DSCAM: variants seen among roughly 807,000 people sequenced by gnomAD.
DSCAM encodes cell adhesion molecule DSCAM.
In DSCAM, 47 loss-of-function variants were observed where a neutral mutation model predicts 217.7. The observed-to-expected ratio is 0.22, with a 90% confidence interval of 0.17 to 0.28. The LOEUF is 0.28. Among genes scored for constraint, DSCAM ranks in the 10% least tolerant of loss-of-function variants. The pLI is 1.00. For synonymous variants in DSCAM, 1,056 were observed against 1,015.3 expected (o/e 1.04, Z -0.76); for missense variants, 2,080 against 2,618.3 (o/e 0.79, Z 4.49).
At chr21:40,087,827 C>A (rs958332795) in intron 21 of DSCAM, among the ~76,000 whole-genome samples, 3 of 152,132 alleles carry the variant, frequency 2.0e-5, no homozygotes, top group Non-Finnish European at 4.4e-5. Flanking sequence ...TGAAGAACAA[C>A]CATTTGCTTG....
chr21:40,706,893 T>C (rs373618962), intron 2 of DSCAM, among the ~76,000 whole-genome samples: 236 of 152,326 alleles, frequency 1.5e-3, no homozygotes, highest in African/African-American at 5.5e-3. Flanking sequence ...TAGTCATCCA[T>C]ATGCTGGATT....
chr21:40,574,021 G>GA (rs1383918287), intron 3 of DSCAM, among the ~76,000 whole-genome samples: 2 of 151,622 alleles, frequency 1.3e-5, no homozygotes, highest in Admixed American at 6.6e-5. Context: ...AAACATAAAA[G>GA]AAAAAACTCC....
intron 3 of DSCAM, among the ~76,000 whole-genome samples, chr21:40,610,174 C>T (rs1358881616): frequency 1.3e-5 from 2 of 152,266 alleles, no homozygotes; most frequent in East Asian, 1.9e-4. Flanking sequence ...GAAAGCCCAG[C>T]GAGACAATAT....
chr21:40,358,999 T>C (rs2074727921), intron 4 of DSCAM, among the ~76,000 whole-genome samples: 1 of 152,062 alleles, frequency 6.6e-6, no homozygotes, highest in Non-Finnish European at 1.5e-5. Flanking sequence ...CCAAAGAAGA[T>C]ACACAAATAC....
chr21:40,143,518 G>A (rs1370416146), intron 17 of DSCAM, among the ~76,000 whole-genome samples: 1 of 152,224 alleles, frequency 6.6e-6, no homozygotes. Context: ...AGGGCCGGGC[G>A]CGGTGGCTCA....
At chr21:40,031,628 C>A (rs187938198) in intron 32 of DSCAM, among the ~76,000 whole-genome samples, 135 of 150,420 alleles carry the variant, frequency 9.0e-4, no homozygotes, top group African/African-American at 3.2e-3. Context: ...CAGTCACCAC[C>A]TACACACACA....
At chr21:40,125,059 C>A (rs946582161) in intron 19 of DSCAM, among the ~76,000 whole-genome samples, 2 of 152,092 alleles carry the variant, frequency 1.3e-5, no homozygotes, top group South Asian at 4.1e-4. Context: ...GAGACCCCAC[C>A]CTCCCTCACC....
chr21:40,756,868 A>G (rs4816693), intron 1 of DSCAM, among the ~76,000 whole-genome samples: 110,676 of 151,930 alleles, frequency 0.73, 40,952 homozygotes, highest in African/African-American at 0.85. Context: ...CAGTTTGCAC[A>G]TCTTAGAGGT....
chr21:40,126,656 T>G (rs995338652), intron 19 of DSCAM, among the ~76,000 whole-genome samples: 2 of 152,334 alleles, frequency 1.3e-5, no homozygotes, highest in South Asian at 4.1e-4. Context: ...AAATGCAACA[T>G]TTCAGGTACT....
intron 1 of DSCAM, among the ~76,000 whole-genome samples, chr21:40,714,334 A>T (rs1370393855): frequency 6.6e-6 from 1 of 152,156 alleles, no homozygotes; most frequent in Admixed American, 6.5e-5. Flanking sequence ...AGAGCTGCAG[A>T]CATAAGACTC....
chr21:40,347,680 C>A lies in DSCAM; in HGVS notation c.1200G>T (p.Val400=), dbSNP rs1344810307. Residue 400 remains valine (V), a synonymous_variant, in exon 6 of 33, where the codon GTG becomes GTT. Transcript: ENST00000400454. ...DKLSAQDYVQ[V]VLEDGTPKII... ...ACGAGGCCCACTGACCTTCAAGGAC[C>A]ACCTGCACATAGTCTTGAGCGGACA... is the stretch of plus-strand genomic sequence containing the variant. 2 of 1,613,718 alleles carry A rather than the reference C, an allele frequency of 1.2e-6. No homozygotes were observed. Among genetic ancestry groups the A allele is most frequent in the African/African-American group, 2.7e-5 (2 of 74,912 alleles).
chr21:40,705,662 G>T (rs776428062), intron 2 of DSCAM, among the ~76,000 whole-genome samples: 1 of 152,130 alleles, frequency 6.6e-6, no homozygotes, highest in South Asian at 2.1e-4. Context: ...ACTCTCACGA[G>T]AACAGAATGG....
At chr21:40,724,927 T>C (rs567673976) in intron 1 of DSCAM, among the ~76,000 whole-genome samples, 1 of 152,374 alleles carries the variant, frequency 6.6e-6, no homozygotes, top group South Asian at 2.1e-4. Context: ...TTTCTTCATG[T>C]AACGCACAGG....
At chr21:40,737,502 A>G (rs1295860004) in intron 1 of DSCAM, among the ~76,000 whole-genome samples, 15 of 152,186 alleles carry the variant, frequency 9.9e-5, no homozygotes, top group African/African-American at 9.6e-5. Context: ...TTAGCTGGGC[A>G]TAGTGGCAGG....
chr21:40,367,647 T>C (rs1348112545), intron 4 of DSCAM, among the ~76,000 whole-genome samples: 2 of 152,236 alleles, frequency 1.3e-5, no homozygotes, highest in Non-Finnish European at 2.9e-5. Flanking sequence ...TTTCCACATA[T>C]GGTAGACTCT....
rs141474023 is a variant in DSCAM at position 40,523,723 on chromosome 21, A to G, written c.509-154478T>C. Among the ~76,000 whole-genome samples, 842 of 152,296 alleles carry G rather than the reference A, an allele frequency of 5.5e-3. 12 individuals carry two copies. Among genetic ancestry groups the G allele is most frequent in the African/African-American group, 0.019 (773 of 41,552 alleles). On this transcript the variant is annotated intron_variant, in intron 3 of 32. Coordinates refer to ENST00000400454, the MANE Select transcript of DSCAM (RefSeq NM_001389.5). ...CAGAAAAGCCCTCTGTCTTTGTGAT[A>G]AGGCAGGAGTCTAATTGATCTGATA...
chr21:40,296,363 C>A (rs769232185), intron 9 of DSCAM, among the ~76,000 whole-genome samples, 189 bp from the exon 10 acceptor site: 19 of 152,172 alleles, frequency 1.2e-4, no homozygotes, highest in Non-Finnish European at 2.4e-4. Context: ...GAAAAATTTT[C>A]TGATTCATAT....
At chr21:40,253,461 T>A (rs2073331204) in intron 11 of DSCAM, among the ~76,000 whole-genome samples, 1 of 152,180 alleles carries the variant, frequency 6.6e-6, no homozygotes, top group African/African-American at 2.4e-5. Flanking sequence ...CCCTTTCTAC[T>A]TCTGCAGTAC....
chr21:40,602,167 T>C (rs2077067412), intron 3 of DSCAM, among the ~76,000 whole-genome samples: 1 of 150,864 alleles, frequency 6.6e-6, no homozygotes, highest in Non-Finnish European at 1.5e-5. Flanking sequence ...CTGAAGTAAT[T>C]CTCCCACCTC....
Sources: allele counts gnomAD v4.1 joint callset (sites outside exome capture counted in the v4.1 genomes callset), GRCh38; gene constraint gnomAD v4.1.1; transcripts MANE v1.5; gene names NCBI Gene and HGNC (gene_info 2026-07-23, HGNC 2026-07-21).